The following SKAP2 variants were observed in gnomAD, a reference collection of about 807,000 sequenced individuals.
SKAP2 encodes src kinase-associated phosphoprotein 2.
A neutral mutation model predicts 54.9 loss-of-function variants in SKAP2; 28 were observed. That is an observed-to-expected ratio of 0.51 (90% CI 0.38 to 0.70). SKAP2 has a LOEUF of 0.70. Among genes scored for constraint, SKAP2 ranks in the 30% least tolerant of loss-of-function variants. SKAP2 has a pLI of 0.00. For missense variants in SKAP2, 356 were observed against 424.1 expected (o/e 0.84, Z 1.41); for synonymous variants, 137 against 134.3 (o/e 1.02, Z -0.14).
intron 4 of SKAP2, among the ~76,000 whole-genome samples, chr7:26,827,318 T>C (rs1188031751): frequency 1.3e-5 from 2 of 152,166 alleles, no homozygotes; most frequent in African/African-American, 4.8e-5. Context: ...AATTAGTTGA[T>C]ATTCAAATTC....
intron 11 of SKAP2, among the ~76,000 whole-genome samples, chr7:26,677,440 C>T (rs1457920821): frequency 1.3e-5 from 2 of 149,870 alleles, no homozygotes; most frequent in Non-Finnish European, 3.0e-5. Flanking sequence ...TGACTGATGT[C>T]TATTGGCTCT....
chr7:26,830,129 A>G (rs1784569330), intron 4 of SKAP2, among the ~76,000 whole-genome samples: 1 of 152,210 alleles, frequency 6.6e-6, no homozygotes, highest in Non-Finnish European at 1.5e-5. Context: ...AAAAAAAGCC[A>G]GACATACAAA....
Position 26,777,770 on chromosome 7 carries a change from G to C in SKAP2, c.308-37806C>G, listed in dbSNP as rs528250298. Among the ~76,000 whole-genome samples the C allele has an allele frequency of 3.9e-5, 6 of 152,154 alleles. No individual in the cohort carries two copies. In the South Asian group the frequency reaches 1.2e-3, roughly 32 times the overall value. On this transcript the variant is annotated intron_variant, in intron 4 of 12. Transcript: ENST00000345317. ...TGTCAAGACAAACAAGATACTTCTA[G>C]GGAGGAGTAATAAGAAACATGTCAA...
intron 4 of SKAP2, among the ~76,000 whole-genome samples, chr7:26,780,567 T>C (rs1242965038): frequency 1.3e-5 from 2 of 152,110 alleles, no homozygotes; most frequent in Non-Finnish European, 2.9e-5. Context: ...GCACTGAAAT[T>C]TGAATTTCAT....
downstream of SKAP2, among the ~76,000 whole-genome samples, chr7:26,665,192 G>A (rs979041793): frequency 6.6e-6 from 1 of 152,170 alleles, no homozygotes. Context: ...CAGGGCAGCA[G>A]TGATTTGAGA....
intron 9 of SKAP2, among the ~76,000 whole-genome samples, chr7:26,699,476 A>G (rs891883263): frequency 6.6e-6 from 1 of 152,194 alleles, no homozygotes; most frequent in Non-Finnish European, 1.5e-5. Flanking sequence ...TAACAGGTTT[A>G]TCATCATGAC....
intron 9 of SKAP2, among the ~76,000 whole-genome samples, chr7:26,699,656 C>T (rs1786980502): frequency 6.6e-6 from 1 of 151,988 alleles, no homozygotes; most frequent in Non-Finnish European, 1.5e-5. Context: ...AAATACTTTA[C>T]TTTCTAGAAA....
At chr7:26,735,948 A>G (rs1787923113) in intron 6 of SKAP2, among the ~76,000 whole-genome samples, 1 of 152,222 alleles carries the variant, frequency 6.6e-6, no homozygotes, top group African/African-American at 2.4e-5. Flanking sequence ...AAGAACCACA[A>G]GAAACAAATC....
chr7:26,787,197 C>A (rs1268974745), intron 4 of SKAP2, among the ~76,000 whole-genome samples: 2 of 152,256 alleles, frequency 1.3e-5, no homozygotes, highest in East Asian at 3.9e-4. Context: ...TGTTTTTGCA[C>A]TGCTATAAAA....
chr7:26,757,101 A>G (rs1341458258), intron 4 of SKAP2, among the ~76,000 whole-genome samples: 1 of 151,688 alleles, frequency 6.6e-6, no homozygotes, highest in Admixed American at 6.6e-5. Context: ...GATTGCAAAA[A>G]TTTTCTCCCA....
chr7:26,737,007 T>G (rs1787957727), intron 6 of SKAP2, among the ~76,000 whole-genome samples: 1 of 152,188 alleles, frequency 6.6e-6, no homozygotes, highest in African/African-American at 2.4e-5. Context: ...GCTTTGGGTT[T>G]TGGGGAAACT....
intron 4 of SKAP2, among the ~76,000 whole-genome samples, chr7:26,760,991 A>T (rs1018396713): frequency 5.3e-5 from 8 of 152,236 alleles, no homozygotes; most frequent in Non-Finnish European, 1.2e-4. Context: ...TTAAGAGGAT[A>T]TAGTGATCTT....
At chr7:26,787,229 T>A (rs1386039107) in intron 4 of SKAP2, among the ~76,000 whole-genome samples, 1 of 152,190 alleles carries the variant, frequency 6.6e-6, no homozygotes, top group Non-Finnish European at 1.5e-5. Flanking sequence ...CTGGGTAATT[T>A]ATAAAGAAAA....
chr7:26,714,158 T>A (rs1462669590), intron 9 of SKAP2, among the ~76,000 whole-genome samples: 1 of 152,122 alleles, frequency 6.6e-6, no homozygotes, highest in Non-Finnish European at 1.5e-5. Flanking sequence ...AGGGAGCTCT[T>A]CCAAGAATTT....
At chr7:26,752,547 A>G (rs533114922) in intron 4 of SKAP2, among the ~76,000 whole-genome samples, 80 of 152,228 alleles carry the variant, frequency 5.3e-4, no homozygotes, top group African/African-American at 1.9e-3. Context: ...ACCCTGCACA[A>G]TTTTCAGACA....
intron 7 of SKAP2, 29 bp downstream of exon 7, chr7:26,726,853 T>A: frequency 6.4e-7 from 1 of 1,569,094 alleles, no homozygotes; most frequent in Non-Finnish European, 8.6e-7. Context: ...TTTATCAACT[T>A]AATTTCAAGG....
At chr7:26,835,906 C>T (rs745517300) in intron 4 of SKAP2, among the ~76,000 whole-genome samples, 1 of 152,122 alleles carries the variant, frequency 6.6e-6, no homozygotes, top group Non-Finnish European at 1.5e-5. Context: ...CAAAAAAGAA[C>T]AAAGCTGGAG....
intron 4 of SKAP2, among the ~76,000 whole-genome samples, chr7:26,841,970 G>A (rs1335713189): frequency 1.3e-5 from 2 of 151,554 alleles, no homozygotes; most frequent in Non-Finnish European, 2.9e-5. Flanking sequence ...ATTGGACTGA[G>A]GTCACATAAT....
intron 4 of SKAP2, among the ~76,000 whole-genome samples, chr7:26,761,496 T>C (rs1782927963): frequency 6.6e-6 from 1 of 152,238 alleles, no homozygotes; most frequent in Non-Finnish European, 1.5e-5. Flanking sequence ...TGGAATTTGC[T>C]ATAAAGAGAA....
Sources: allele counts gnomAD v4.1 joint callset (sites outside exome capture counted in the v4.1 genomes callset), GRCh38; gene constraint gnomAD v4.1.1; transcripts MANE v1.5; gene names NCBI Gene and HGNC (gene_info 2026-07-23, HGNC 2026-07-21).